The following PNPLA6 variants were observed in gnomAD, a reference collection of about 807,000 sequenced individuals.
The protein encoded by PNPLA6 is patatin-like phospholipase domain-containing protein 6.
Under a neutral mutation model 153.7 loss-of-function variants are expected in PNPLA6, and 105 were observed. The observed-to-expected ratio is 0.68, with a 90% confidence interval of 0.58 to 0.80. The LOEUF (loss-of-function observed/expected upper bound fraction) is 0.80. Among genes scored for constraint, PNPLA6 ranks in the 30% least tolerant of loss-of-function variants. PNPLA6 has a pLI of 0.00. For synonymous variants in PNPLA6, 825 were observed against 822.2 expected (o/e 1.00, Z -0.06); for missense variants, 1,423 against 1,919.3 (o/e 0.74, Z 4.83).
chr19:7,535,426 G>A, upstream of PNPLA6: 2 of 1,025,538 alleles, frequency 2.0e-6, no homozygotes, highest in Non-Finnish European at 3.0e-6. The surrounding 1 kb of genome is among the most constrained non-coding windows in gnomAD (Gnocchi z 5.0). Flanking sequence ...CAGGGCTTGA[G>A]CTGGGGGCAG....
At chr19:7,560,583 GCAGA>G in intron 28 of PNPLA6, 61 bp from the exon 29 acceptor site, 1 of 1,090,352 alleles carries the variant, frequency 9.2e-7, no homozygotes. Flanking sequence ...CAGAGAATGG[GCAGA>G]CAGAGTGGGG....
In PNPLA6 at chr19:7,550,303, T is replaced by C. The variant is rs770604198; in HGVS notation, c.1820T>C (p.Met607Thr). The C allele has an allele frequency of 2.5e-6, 4 of 1,612,910 alleles. No individual in the cohort carries two copies. Among genetic ancestry groups the C allele is most frequent in the Non-Finnish European group, 3.4e-6 (4 of 1,180,042 alleles). ...RISKSDFYEIMRAQPSVVLSA... is the reference protein window; with the variant it reads ...RISKSDFYEITRAQPSVVLSA... ...TCCCAAGTCTGTTCCTGCAGGATCA[T>C]GCGCGCACAGCCCAGTGTGGTGCTG... is the stretch of plus-strand genomic sequence containing the variant. The change falls in exon 15 of 32, where the codon ATG becomes ACG. Residue 607 changes from methionine to threonine, a missense_variant. By Grantham distance (81) the Met-to-Thr change is moderately conservative (BLOSUM62 -1). This residue lies in a region of PNPLA6 where 119 missense variants were observed against 163.7 expected (regional missense o/e 0.73). Coordinates refer to ENST00000600737, the MANE Select transcript of PNPLA6 (RefSeq NM_001166114.2).
Position 7,542,776 on chromosome 19 carries a change from C to G in PNPLA6, c.1378C>G (p.Pro460Ala). The change falls in exon 12 of 32, where the codon CCT (proline) becomes GCT (alanine). Residue 460 changes from proline to alanine, a missense_variant. Physicochemically the swap from Pro to Ala is conservative, Grantham distance 27. This residue lies in a region of PNPLA6 where 267 missense variants were observed against 255.1 expected (regional missense o/e 1.05). Coordinates refer to ENST00000600737, the MANE Select transcript of PNPLA6 (RefSeq NM_001166114.2). ...AAPARTPTQE[P>A]REQPAGACEY... ...CCCCACTCAGACCCCCACTCAGGAG[C>G]CTCGTGAGCAGCCGGCAGGCGCCTG... 6.2e-7 allele frequency: 1 copy of G among 1,612,968 alleles called. No homozygotes were observed. Among genetic ancestry groups the G allele is most frequent in the Non-Finnish European group, 8.5e-7 (1 of 1,179,888 alleles).
intron 18 of PNPLA6, among the ~76,000 whole-genome samples, chr19:7,552,235 CCT>C (rs1048188481): frequency 4.6e-5 from 7 of 152,310 alleles, no homozygotes; most frequent in African/African-American, 9.6e-5. Context: ...GATGTAGCCC[CCT>C]GTTTCAGCCT....
upstream of PNPLA6, chr19:7,535,604 G>T: frequency 6.3e-7 from 1 of 1,597,674 alleles, no homozygotes; most frequent in Non-Finnish European, 8.5e-7. This position sits in a 1 kb window ranked among gnomAD's most constrained non-coding sequence, Gnocchi z 5.0. Flanking sequence ...AGACCGGGTA[G>T]GTGCCGGCGT....
At chr19:7,536,305 CCA>C in intron 2 of PNPLA6, 32 bp downstream of exon 2, 4 of 1,544,672 alleles carry the variant, frequency 2.6e-6, no homozygotes, top group Non-Finnish European at 3.6e-6. Flanking sequence ...TCCGCCCTGA[CCA>C]CACAGAGGCC....
chr19:7,555,861 G>A lies in PNPLA6; in HGVS notation c.3093+98G>A. 7.8e-7 allele frequency: 1 copy of A among 1,288,202 alleles called. No individual in the cohort carries two copies. The highest frequency in any genetic ancestry group is 1.1e-6 in the Non-Finnish European group (1 of 902,060). 79.8% of individuals were successfully genotyped at this position (1,288,202 alleles called of 1,614,324 possible). On this transcript the variant is annotated intron_variant, in intron 24 of 31. Transcript: ENST00000600737. The surrounding 1 kb of genome is among the most constrained non-coding windows in gnomAD (Gnocchi z 6.3). ...CCATGGGGGAGCCTCCGGGGTCAGG[G>A]TGACCCTTCCTGATTAAATCTATGA...
chr19:7,556,941 T>C (rs2023904530), intron 26 of PNPLA6: 9 of 687,348 alleles, frequency 1.3e-5, no homozygotes, highest in Non-Finnish European at 2.4e-5. Context: ...TCGGACGCCT[T>C]ACCCCCCTCA....
intron 3 of PNPLA6, 137 bp from the exon 4 acceptor site, chr19:7,539,778 AAAG>A: frequency 1.7e-6 from 1 of 603,426 alleles, no homozygotes; most frequent in Non-Finnish European, 2.9e-6. Flanking sequence ...AAAAAAAAAA[AAAG>A]GTGGCCAGCC....
At position 7,558,961 on chromosome 19, in the gene PNPLA6, T is replaced by C; in HGVS notation, c.3509T>C (p.Leu1170Pro). ...YGDSLSGWWL[L>P]WKRLNPWADK... is the part of the protein sequence containing the mutation. ...GACAGCCTGTCCGGCTGGTGGCTGC[T>C]GTGGAAGCGGCTGAATCCCTGGGCT... is the stretch of plus-strand genomic sequence containing the variant. Residue 1170 changes from leucine (L) to proline (P), a missense_variant, in exon 28 of 32, where the codon CTG becomes CCG. This residue lies in a region of PNPLA6 where 643 missense variants were observed against 835.2 expected (regional missense o/e 0.77). Coordinates refer to ENST00000600737, the MANE Select transcript of PNPLA6 (RefSeq NM_001166114.2). 1 of 1,614,190 alleles carries C rather than the reference T, an allele frequency of 6.2e-7. No individual in the cohort carries two copies. Among genetic ancestry groups the C allele is most frequent in the East Asian group, 2.2e-5 (1 of 44,880 alleles).
chr19:7,556,797 G>A (rs1599308576), intron 26 of PNPLA6, 73 bp downstream of exon 26: 9 of 1,112,234 alleles, frequency 8.1e-6, no homozygotes, highest in Admixed American at 1.7e-5. Context: ...CGGGAGGGCC[G>A]CTGAGCTTCT....
chr19:7,536,629 G>C lies in PNPLA6; in HGVS notation c.413+83G>C, dbSNP rs2022884599. ...AATCAGCTTACACCAAAGTGTTGTG[G>C]AAGTCTTCCCATATTGGCTGCGCGC... On this transcript the variant is annotated intron_variant, in intron 3 of 31. Transcript: ENST00000600737. The C allele has an allele frequency of 3.2e-6, 3 of 938,810 alleles. No homozygotes were observed. In the South Asian group the frequency reaches 4.0e-5, roughly 13 times the overall value. 58.2% of individuals were successfully genotyped at this position (938,810 alleles called of 1,614,324 possible).
chr19:7,545,399 G>T (rs986075595), intron 13 of PNPLA6, among the ~76,000 whole-genome samples: 1 of 152,162 alleles, frequency 6.6e-6, no homozygotes, highest in East Asian at 1.9e-4. Flanking sequence ...TCACCCAGGG[G>T]TCCCTGCAGT....
rs886741386 is a variant in PNPLA6 at position 7,540,973 on chromosome 19, C to T, written c.846C>T (p.Ser282=). The change falls in exon 7 of 32, where the codon TCC becomes TCT. Residue 282 remains serine, a synonymous_variant. Transcript: ENST00000600737. This position sits in a 1 kb window ranked among gnomAD's most constrained non-coding sequence, Gnocchi z 6.8. The part of the protein sequence containing the change: ...RTVSARAARD[S]TVLRLPVEAF... ...TGTCTGCCCGGGCGGCCCGGGACTC[C>T]ACGGTGCTGCGCCTGCCGGTGGAAG... 5 of 1,610,944 alleles carry T rather than the reference C, an allele frequency of 3.1e-6. No homozygotes were observed. The highest frequency in any genetic ancestry group is 4.2e-6 in the Non-Finnish European group (5 of 1,179,380).
At position 7,541,530 on chromosome 19, in the gene PNPLA6, G is replaced by A. The variant is rs777195406; in HGVS notation, c.1014G>A (p.Gln338=). Residue 338 remains glutamine, a synonymous_variant, in exon 9 of 32, where the codon CAG becomes CAA. Transcript: ENST00000600737. The surrounding 1 kb of genome is among the most constrained non-coding windows in gnomAD (Gnocchi z 5.2). ...CTGTTCTCTGCCCCCAGGAGATCCA[G>A]CCCCTGCGTCTGTTCCCCAGCCCCG... ...LTNELFSHEI[Q]PLRLFPSPGL... is the part of the protein sequence containing the mutation. The A allele has an allele frequency of 1.2e-6, 2 of 1,608,012 alleles. No individual in the cohort carries two copies.
chr19:7,554,842 G>T (rs758008455), intron 21 of PNPLA6, 51 bp from the exon 22 acceptor site: 93 of 1,570,070 alleles, frequency 5.9e-5, no homozygotes, highest in Non-Finnish European at 2.5e-5. Flanking sequence ...ACCCAGGTGT[G>T]GCCAGGTGGT....
upstream of PNPLA6, chr19:7,535,197 C>T: frequency 2.0e-6 from 1 of 509,512 alleles, no homozygotes; most frequent in Non-Finnish European, 3.6e-6. The surrounding 1 kb of genome is among the most constrained non-coding windows in gnomAD (Gnocchi z 5.0). Flanking sequence ...CTGCAGGCTG[C>T]TGACAGTGGG....
chr19:7,554,367 G>C (rs1025105288), intron 20 of PNPLA6, 95 bp downstream of exon 20: 2 of 1,318,394 alleles, frequency 1.5e-6, no homozygotes, highest in Admixed American at 1.7e-5. Context: ...TTCCAACCAC[G>C]GAGCCTGCGT....
chr19:7,541,124 G>A lies in PNPLA6; in HGVS notation c.924+73G>A. On this transcript the variant is annotated intron_variant, in intron 7 of 31. Transcript: ENST00000600737. This position sits in a 1 kb window ranked among gnomAD's most constrained non-coding sequence, Gnocchi z 5.2. ...GCCCCCACCCATTCCAGGCTCCAAG[G>A]GACCGAGGCCCAGCAGCCAGCAGGC... 6.5e-7 allele frequency: 1 copy of A among 1,530,642 alleles called. No individual in the cohort carries two copies. The highest frequency in any genetic ancestry group is 2.3e-5 in the East Asian group (1 of 42,612). The allele number at this position is 1,530,642 out of a possible 1,614,324, so 94.8% of individuals were successfully genotyped here.
Sources: gnomAD v4.1 joint callset for allele counts (sites outside exome capture counted in the v4.1 genomes callset) on GRCh38, gnomAD v4.1.1 for gene constraint, gnomAD v4.1.1 regional missense constraint, Gnocchi (gnomAD v3.1) non-coding constraint, MANE v1.5 for transcripts, NCBI Gene and HGNC (gene_info 2026-07-23, HGNC 2026-07-21) for gene names.